Variants in MAP1LC3C observed in about 807,000 individuals in gnomAD.
MAP1LC3C encodes the protein microtubule-associated protein 1 light chain 3 gamma.
MAP1LC3C carries 12 observed loss-of-function variants against 10.4 expected under a neutral mutation model. The ratio of observed to expected loss-of-function variants is 1.15; its 90% CI spans 0.74 to 1.86. The LOEUF is 1.86. Ranked by LOEUF, MAP1LC3C falls within the 40% of genes most tolerant of loss-of-function variation. The pLI is 0.00. For missense variants in MAP1LC3C, 177 were observed against 185.7 expected (o/e 0.95, Z 0.27); for synonymous variants, 70 against 69.0 (o/e 1.01, Z -0.07).
At position 241,996,129 on chromosome 1, in the gene MAP1LC3C, C is replaced by G. The variant is rs548700699; in HGVS notation, c.*34G>C. Reference sequence around the variant, plus strand: ...CAATCCCTTCTGCCAGCATCTGACACGTCTGTCAGAGCACACATCCTTCCC... The same window carrying G: ...CAATCCCTTCTGCCAGCATCTGACAGGTCTGTCAGAGCACACATCCTTCCC... On this transcript the variant is annotated 3_prime_UTR_variant, in exon 4 of 4. Transcript: ENST00000357246. 25 of 1,566,342 alleles carry G rather than the reference C, an allele frequency of 1.6e-5. No homozygotes were observed. The South Asian group carries it at 2.5e-4, about 16-fold the overall frequency.
At chr1:242,000,852 A>G (rs1276553569), upstream of MAP1LC3C, among the ~76,000 whole-genome samples, 5 of 151,590 alleles carry the variant, frequency 3.3e-5, no homozygotes, top group East Asian at 9.7e-4. Flanking sequence ...CAACCCCTCT[A>G]CCCTCCCCAG....
intron 3 of MAP1LC3C, 48 bp downstream of exon 3, chr1:241,998,466 C>T (rs748068832): frequency 1.3e-6 from 2 of 1,536,886 alleles, no homozygotes; most frequent in Middle Eastern, 1.8e-4. Context: ...CCAACAGCCC[C>T]GGCGCACCCA....
chr1:241,999,808 TCAAAACAAAA>T (rs111733892), upstream of MAP1LC3C, among the ~76,000 whole-genome samples: 2 of 151,806 alleles, frequency 1.3e-5, no homozygotes, highest in Non-Finnish European at 2.9e-5. Flanking sequence ...AAACTTCATC[TCAAAACAAAA>T]CAAAACAAAA....
chr1:241,999,845 T>C (rs1665161701), upstream of MAP1LC3C, among the ~76,000 whole-genome samples: 1 of 151,710 alleles, frequency 6.6e-6, no homozygotes, highest in South Asian at 2.1e-4. Context: ...AAACCCAGAG[T>C]TGTTACAAGG....
intron 3 of MAP1LC3C, 84 bp from the exon 4 acceptor site, chr1:241,996,469 A>G: frequency 8.9e-7 from 1 of 1,123,244 alleles, no homozygotes; most frequent in Non-Finnish European, 1.3e-6. Flanking sequence ...AGAAGACTGA[A>G]TTGCTCCCTT....
intron 3 of MAP1LC3C, among the ~76,000 whole-genome samples, chr1:241,997,899 TC>T (rs1665116789): frequency 6.6e-6 from 1 of 152,078 alleles, no homozygotes; most frequent in African/African-American, 2.4e-5. Context: ...AGAAAGGATC[TC>T]CCGGCCTAGC....
At chr1:242,000,478 T>G (rs1558180143), upstream of MAP1LC3C, among the ~76,000 whole-genome samples, 1 of 152,144 alleles carries the variant, frequency 6.6e-6, no homozygotes, top group Non-Finnish European at 1.5e-5. Flanking sequence ...CCTCCTGCCT[T>G]GGCCTCCCAA....
At chr1:242,000,180 C>G (rs1447917649), upstream of MAP1LC3C, among the ~76,000 whole-genome samples, 1 of 152,158 alleles carries the variant, frequency 6.6e-6, no homozygotes, top group South Asian at 2.1e-4. Context: ...GGGCTGAGGG[C>G]TCTGTCCCAC....
upstream of MAP1LC3C, among the ~76,000 whole-genome samples, chr1:242,000,394 A>G (rs143186716): frequency 7.6e-4 from 115 of 152,108 alleles, no homozygotes; most frequent in African/African-American, 2.5e-3. Context: ...ATGCCTGGCT[A>G]ATTTGTGTGT....
chr1:241,997,154 C>T (rs1665102217), intron 3 of MAP1LC3C, among the ~76,000 whole-genome samples: 1 of 151,992 alleles, frequency 6.6e-6, no homozygotes, highest in African/African-American at 2.4e-5. Flanking sequence ...CCTGCCTTGG[C>T]TTCCCAAAGT....
Position 241,998,630 on chromosome 1 carries a change from G to C in MAP1LC3C, c.115-10C>G, listed in dbSNP as rs1367366149. On this transcript the variant is annotated splice_polypyrimidine_tract_variant and intron_variant, in intron 2 of 3. Coordinates refer to ENST00000357246, the MANE Select transcript of MAP1LC3C (RefSeq NM_001004343.3). ...AGCGCTCCACTACCACCTGTCAAGA[G>C]TGTCAGTCCTTAAGAATGTGACTCA... 6 of 1,609,184 alleles carry C rather than the reference G, an allele frequency of 3.7e-6. No homozygotes were observed. The South Asian group carries it at 4.4e-5, about 12-fold the overall frequency.
At chr1:241,997,114 C>A (rs2049066) in intron 3 of MAP1LC3C, among the ~76,000 whole-genome samples, 1 of 151,458 alleles carries the variant, frequency 6.6e-6, no homozygotes, top group Admixed American at 6.6e-5. Context: ...GGCCAGGCTG[C>A]TCTTGAACTC....
At chr1:241,996,431 C>A in intron 3 of MAP1LC3C, 46 bp from the exon 4 acceptor site, 1 of 1,499,392 alleles carries the variant, frequency 6.7e-7, no homozygotes, top group Admixed American at 1.7e-5. Context: ...GCGAGACAGC[C>A]CAGGGATCTG....
intron 3 of MAP1LC3C, among the ~76,000 whole-genome samples, chr1:241,997,868 CG>C (rs1665116230): frequency 6.6e-6 from 1 of 152,054 alleles, no homozygotes; most frequent in South Asian, 2.1e-4. Context: ...CGCGCAGACT[CG>C]GTTTCACACA....
upstream of MAP1LC3C, among the ~76,000 whole-genome samples, chr1:242,000,073 G>T (rs915098644): frequency 9.9e-5 from 15 of 152,064 alleles, 1 homozygote; most frequent in African/African-American, 3.4e-4. Flanking sequence ...GTGGGTGGGG[G>T]TTCCCCATAC....
chr1:241,999,135 T>C (rs898814550), upstream of MAP1LC3C: 2 of 1,452,468 alleles, frequency 1.4e-6, no homozygotes, highest in African/African-American at 1.4e-5. Flanking sequence ...TATGTAGGGC[T>C]GAGTGACATC....
intron 3 of MAP1LC3C, among the ~76,000 whole-genome samples, chr1:241,997,875 A>G (rs1175718590): frequency 6.6e-6 from 1 of 152,128 alleles, no homozygotes; most frequent in East Asian, 1.9e-4. Flanking sequence ...ACTCGGTTTC[A>G]CACAAGATCT....
intron 3 of MAP1LC3C, among the ~76,000 whole-genome samples, chr1:241,997,209 C>T (rs1665103077): frequency 6.6e-6 from 1 of 152,090 alleles, no homozygotes; most frequent in South Asian, 2.1e-4. Context: ...CTAATCCTAA[C>T]TTTCATTCTC....
Position 241,996,139 on chromosome 1 carries a change from A to G in MAP1LC3C, c.*24T>C. 6.3e-7 allele frequency: 1 copy of G among 1,597,940 alleles called. No individual in the cohort carries two copies. The highest frequency in any genetic ancestry group is 8.6e-7 in the Non-Finnish European group (1 of 1,168,226). On this transcript the variant is annotated 3_prime_UTR_variant, in exon 4 of 4. Transcript: ENST00000357246. Reference sequence around the variant, plus strand: ...TGCCAGCATCTGACACGTCTGTCAGAGCACACATCCTTCCCGACATGGGCT... The same window carrying G: ...TGCCAGCATCTGACACGTCTGTCAGGGCACACATCCTTCCCGACATGGGCT...
Sources: allele counts gnomAD v4.1 joint callset (sites outside exome capture counted in the v4.1 genomes callset), GRCh38; gene constraint gnomAD v4.1.1; transcripts MANE v1.5; gene names NCBI Gene and HGNC (gene_info 2026-07-23, HGNC 2026-07-21).